Variants in CNTNAP5 observed in about 807,000 individuals in gnomAD.
CNTNAP5 encodes contactin associated protein family member 5.
CNTNAP5 carries 72 observed loss-of-function variants against 150.2 expected under a neutral mutation model. That is an observed-to-expected ratio of 0.48 (90% CI 0.40 to 0.58). CNTNAP5 has a LOEUF of 0.58. Ranked by LOEUF, CNTNAP5 falls within the 20% of genes least tolerant of loss-of-function variation. The pLI, the probability that CNTNAP5 is intolerant of heterozygous loss-of-function variation, is 0.00. For synonymous variants in CNTNAP5, 672 were observed against 619.8 expected (o/e 1.08, Z -1.25); for missense variants, 1,636 against 1,626.2 (o/e 1.01, Z -0.10).
chr2:124,680,932 T>C (rs1485205949), intron 13 of CNTNAP5: 1 of 151,632 alleles, frequency 6.6e-6, no homozygotes, highest in African/African-American at 2.4e-5. Context: ...TAACTTTTAT[T>C]TGGAGTTGCA....
At position 124,308,894 on chromosome 2, in the gene CNTNAP5, G is replaced by A. The variant is rs376760178; in HGVS notation, c.381+66501G>A. Among the ~76,000 whole-genome samples the A allele has an allele frequency of 3.6e-4, 55 of 152,250 alleles. No homozygotes were observed. In the South Asian group the frequency reaches 7.7e-3, roughly 21 times the overall value. ...CTTCAAATTCCCACAGACCCTGTGC[G>A]TGTTACAACTCACCAGTCAAGCTGC... On this transcript the variant is annotated intron_variant, in intron 3 of 23. Transcript: ENST00000682447.
intron 5 of CNTNAP5, among the ~76,000 whole-genome samples, chr2:124,443,373 T>C (rs2104802944): frequency 6.6e-6 from 1 of 151,692 alleles, no homozygotes; most frequent in Middle Eastern, 3.4e-3. Context: ...CTGATAAAGA[T>C]TTTCAGGATA....
At chr2:124,339,459 T>A (rs1689555261) in intron 3 of CNTNAP5, among the ~76,000 whole-genome samples, 1 of 152,154 alleles carries the variant, frequency 6.6e-6, no homozygotes, top group Non-Finnish European at 1.5e-5. Context: ...GTGTGGAGTG[T>A]AATATCACAG....
chr2:124,343,924 C>T (rs1002868247), intron 3 of CNTNAP5, among the ~76,000 whole-genome samples: 4 of 152,108 alleles, frequency 2.6e-5, no homozygotes, highest in East Asian at 3.9e-4. Flanking sequence ...CAGATATGTG[C>T]GAAGAGGCCA....
chr2:124,487,279 T>G (rs1693907731), intron 7 of CNTNAP5, among the ~76,000 whole-genome samples: 1 of 152,172 alleles, frequency 6.6e-6, no homozygotes, highest in Non-Finnish European at 1.5e-5. Flanking sequence ...TTAAAAATAT[T>G]AATGATCATT....
intron 5 of CNTNAP5, among the ~76,000 whole-genome samples, chr2:124,435,327 A>G (rs1692502319): frequency 1.3e-5 from 2 of 152,116 alleles, no homozygotes; most frequent in Non-Finnish European, 1.5e-5. Context: ...CACTCCAGGC[A>G]GGTCGCGTTC....
chr2:124,665,572 C>T (rs1678680468), intron 13 of CNTNAP5, among the ~76,000 whole-genome samples: 2 of 152,060 alleles, frequency 1.3e-5, no homozygotes, highest in African/African-American at 4.8e-5. Flanking sequence ...AAACTGTCTC[C>T]ATATATATGT....
intron 13 of CNTNAP5, among the ~76,000 whole-genome samples, chr2:124,704,646 A>T (rs7599069): frequency 0.015 from 2,318 of 152,090 alleles, 67 homozygotes; most frequent in African/African-American, 0.053. Context: ...TATGTATAAA[A>T]AGAAAAAATA....
At chr2:124,109,853 G>A (rs1683256330) in intron 1 of CNTNAP5, among the ~76,000 whole-genome samples, 1 of 152,202 alleles carries the variant, frequency 6.6e-6, no homozygotes, top group Admixed American at 6.5e-5. Context: ...CTTTATTCTG[G>A]TTTTTGAACA....
intron 16 of CNTNAP5, among the ~76,000 whole-genome samples, chr2:124,769,618 A>T (rs1573605175): frequency 2.0e-5 from 3 of 152,200 alleles, no homozygotes; most frequent in Admixed American, 2.0e-4. Flanking sequence ...GGGCCCTGTT[A>T]TACTGGGCCA....
At chr2:124,258,821 A>T (rs1482884277) in intron 3 of CNTNAP5, among the ~76,000 whole-genome samples, 1 of 152,052 alleles carries the variant, frequency 6.6e-6, no homozygotes. Flanking sequence ...ACATTAAACA[A>T]TCTCGAATAA....
intron 3 of CNTNAP5, among the ~76,000 whole-genome samples, chr2:124,292,288 T>C (rs1486264493): frequency 6.6e-6 from 1 of 152,184 alleles, no homozygotes; most frequent in Non-Finnish European, 1.5e-5. Context: ...CTTCAATTAA[T>C]GTAGCACCAA....
chr2:124,891,701 G>A (rs1471982845), intron 21 of CNTNAP5, among the ~76,000 whole-genome samples: 1 of 152,100 alleles, frequency 6.6e-6, no homozygotes, highest in African/African-American at 2.4e-5. Context: ...TTTGTTAGAA[G>A]AGAGTTGAGG....
intron 7 of CNTNAP5, among the ~76,000 whole-genome samples, chr2:124,502,567 A>T (rs1274054689): frequency 1.3e-5 from 2 of 152,198 alleles, no homozygotes; most frequent in Non-Finnish European, 2.9e-5. Context: ...TACAAAAATG[A>T]TACTGACCTC....
chr2:124,788,617 T>C (rs548101733), intron 17 of CNTNAP5, among the ~76,000 whole-genome samples: 1,551 of 150,998 alleles, frequency 0.01, 26 homozygotes, highest in African/African-American at 0.036. Flanking sequence ...TTTTTTTTTT[T>C]TGAGACAGAG....
At chr2:124,865,709 T>G (rs540255737) in intron 20 of CNTNAP5, among the ~76,000 whole-genome samples, 1 of 151,614 alleles carries the variant, frequency 6.6e-6, no homozygotes, top group African/African-American at 2.4e-5. Flanking sequence ...ACTTTGGGAG[T>G]CTGAGGCGGG....
chr2:124,493,200 A>G (rs552221345), intron 7 of CNTNAP5, among the ~76,000 whole-genome samples: 26 of 152,224 alleles, frequency 1.7e-4, no homozygotes, highest in Non-Finnish European at 3.7e-4. Flanking sequence ...ACTTTTGTCA[A>G]ATATTCTTTT....
intron 19 of CNTNAP5, among the ~76,000 whole-genome samples, chr2:124,836,953 T>G (rs1285185688): frequency 6.6e-6 from 1 of 152,096 alleles, no homozygotes; most frequent in African/African-American, 2.4e-5. Context: ...GTCTTAAGTT[T>G]ATGCCTCTCT....
chr2:124,188,716 CA>C (rs70996047), intron 1 of CNTNAP5, among the ~76,000 whole-genome samples: 16,619 of 72,016 alleles, frequency 0.23, 549 homozygotes, highest in East Asian at 0.33. Context: ...GACTCTGTCT[CA>C]AAAAAAAAAA....
Sources: gnomAD v4.1 joint callset for allele counts (sites outside exome capture counted in the v4.1 genomes callset) on GRCh38, gnomAD v4.1.1 for gene constraint, MANE v1.5 for transcripts, NCBI Gene and HGNC (gene_info 2026-07-23, HGNC 2026-07-21) for gene names.